CSMD1: variants seen among roughly 807,000 people sequenced by gnomAD.
CSMD1 encodes CUB and Sushi multiple domains 1, also known as CUB and sushi domain-containing protein 1.
In CSMD1, 213 loss-of-function variants were observed where a neutral mutation model predicts 417.5. The ratio of observed to expected loss-of-function variants is 0.51; its 90% CI spans 0.46 to 0.57. The LOEUF (loss-of-function observed/expected upper bound fraction) is 0.57, where lower values mean the gene tolerates loss of function less well. Among genes scored for constraint, CSMD1 ranks in the 20% least tolerant of loss-of-function variants. CSMD1 has a pLI of 0.00. For missense variants in CSMD1, 6,923 were observed against 4,529.7 expected, an observed-to-expected ratio of 1.53 and a Z score of -15.17; for synonymous variants, 2,862 against 1,736.8, an observed-to-expected ratio of 1.65 and a Z score of -16.11.
At chr8:4,324,238 TA>T (rs1799426141) in intron 3 of CSMD1, among the ~76,000 whole-genome samples, 1 of 152,256 alleles carries the variant, frequency 6.6e-6, no homozygotes, top group South Asian at 2.1e-4. Context: ...GAGATTTCCC[TA>T]CACCAAGAAT....
At chr8:4,613,513 C>G (rs1007754935) in intron 2 of CSMD1, among the ~76,000 whole-genome samples, 1 of 152,204 alleles carries the variant, frequency 6.6e-6, no homozygotes, top group Non-Finnish European at 1.5e-5. Context: ...GTGGCAGGCT[C>G]TCATCAGAGA....
In CSMD1 at chr8:4,672,519, T is replaced by G. The variant is rs190903572; in HGVS notation, c.86-34961A>C. Among the ~76,000 whole-genome samples, 619 of 152,328 alleles carry G rather than the reference T, an allele frequency of 4.1e-3. 17 individuals carry two copies. The highest frequency in any genetic ancestry group is 0.037 in the Admixed American group (562 of 15,298). On this transcript the variant is annotated intron_variant, in intron 1 of 69. Transcript: ENST00000635120. ...TGAAAAAAAGCTTTAATAAGGATCT[T>G]TGGTGAAATATGCACCTATAATGTA...
At chr8:3,300,637 T>C (rs1358173173) in intron 25 of CSMD1, among the ~76,000 whole-genome samples, 1 of 152,050 alleles carries the variant, frequency 6.6e-6, no homozygotes, top group African/African-American at 2.4e-5. Flanking sequence ...ACAAGACTAC[T>C]TGTCACATCA....
Position 4,787,304 on chromosome 8 carries a change from G to A in CSMD1, c.86-149746C>T, listed in dbSNP as rs73661130. 388 of 699,750 alleles carry A rather than the reference G, an allele frequency of 5.5e-4. 1 individual carries two copies. The highest frequency in any genetic ancestry group is 5.2e-3 in the African/African-American group (293 of 56,234). 43.3% of individuals were successfully genotyped at this position (699,750 alleles called of 1,614,324 possible). On this transcript the variant is annotated intron_variant, in intron 1 of 69. Transcript: ENST00000635120. ...AGAGCTCTGCCTCACTTACCGGCGC[G>A]GTCGCAGCCCTCAGCCCACTCAGGA...
intron 3 of CSMD1, among the ~76,000 whole-genome samples, chr8:4,294,737 C>G (rs1001814402): frequency 6.6e-6 from 1 of 151,916 alleles, no homozygotes; most frequent in Non-Finnish European, 1.5e-5. Flanking sequence ...TTTTTTCTTA[C>G]TGTAATTAGA....
chr8:3,211,183 C>T (rs555225733), intron 30 of CSMD1, among the ~76,000 whole-genome samples: 1 of 152,142 alleles, frequency 6.6e-6, no homozygotes, highest in Non-Finnish European at 1.5e-5. Context: ...TAGCTGGGAC[C>T]CCAGGTGTGC....
At chr8:4,211,745 T>C (rs1234434507) in intron 3 of CSMD1, among the ~76,000 whole-genome samples, 2 of 152,202 alleles carry the variant, frequency 1.3e-5, no homozygotes, top group African/African-American at 4.8e-5. Flanking sequence ...CAAAGAGCCC[T>C]GCAAATGTCA....
At chr8:4,406,848 A>G (rs1585027355) in intron 3 of CSMD1, among the ~76,000 whole-genome samples, 1 of 152,206 alleles carries the variant, frequency 6.6e-6, no homozygotes, top group East Asian at 1.9e-4. Flanking sequence ...AACTATTAAA[A>G]TGTCCACTGT....
intron 52 of CSMD1, among the ~76,000 whole-genome samples, chr8:3,008,160 G>C (rs529834191): frequency 6.6e-6 from 1 of 152,268 alleles, no homozygotes; most frequent in South Asian, 2.1e-4. Flanking sequence ...AGAGTATGTC[G>C]CAAGCAAAAT....
chr8:3,736,694 TG>T (rs1425781037), intron 6 of CSMD1, among the ~76,000 whole-genome samples: 3 of 152,170 alleles, frequency 2.0e-5, no homozygotes, highest in African/African-American at 7.2e-5. Flanking sequence ...AGAATGGAGC[TG>T]GGGATAAGGA....
intron 10 of CSMD1, among the ~76,000 whole-genome samples, chr8:3,523,934 C>A (rs1164359623): frequency 2.6e-5 from 4 of 151,378 alleles, no homozygotes; most frequent in African/African-American, 9.7e-5. Context: ...TATGCATGCA[C>A]ACTCAGACAC....
At chr8:3,158,657 T>C (rs1819688994) in intron 38 of CSMD1, among the ~76,000 whole-genome samples, 1 of 151,586 alleles carries the variant, frequency 6.6e-6, no homozygotes, top group African/African-American at 2.4e-5. Context: ...AAACAAACAG[T>C]AGAGGGTTAA....
intron 21 of CSMD1, among the ~76,000 whole-genome samples, chr8:3,352,538 C>T (rs1345291213): frequency 1.3e-5 from 2 of 152,100 alleles, no homozygotes; most frequent in Non-Finnish European, 2.9e-5. Context: ...AGTGCATGTT[C>T]TTATTACTAT....
chr8:4,207,601 A>G (rs748789180), intron 3 of CSMD1, among the ~76,000 whole-genome samples: 1 of 152,178 alleles, frequency 6.6e-6, no homozygotes, highest in Non-Finnish European at 1.5e-5. Flanking sequence ...TTAATATTCA[A>G]TTCAGTAAGA....
At chr8:2,972,935 G>C (rs1228319618) in intron 57 of CSMD1, among the ~76,000 whole-genome samples, 182 bp downstream of exon 57, 1 of 152,128 alleles carries the variant, frequency 6.6e-6, no homozygotes, top group Non-Finnish European at 1.5e-5. Context: ...GTGGATACTT[G>C]GAATACCTCC....
chr8:4,750,301 C>G (rs536551111), intron 1 of CSMD1, among the ~76,000 whole-genome samples: 2 of 152,174 alleles, frequency 1.3e-5, no homozygotes, highest in African/African-American at 4.8e-5. Flanking sequence ...CCACCATGCC[C>G]GGCCCTGACT....
chr8:3,599,802 T>C (rs1801275311), intron 8 of CSMD1, among the ~76,000 whole-genome samples: 1 of 152,198 alleles, frequency 6.6e-6, no homozygotes, highest in African/African-American at 2.4e-5. Context: ...ACTTCTTTCC[T>C]CCTGTCTTTC....
intron 5 of CSMD1, among the ~76,000 whole-genome samples, chr8:3,872,638 CTTAAT>C (rs776001947): frequency 2.0e-5 from 3 of 152,104 alleles, no homozygotes; most frequent in Non-Finnish European, 4.4e-5. Flanking sequence ...TTCATTTTCT[CTTAAT>C]TTATTAATGA....
intron 5 of CSMD1, among the ~76,000 whole-genome samples, chr8:3,866,353 T>C (rs1805103602): frequency 6.6e-6 from 1 of 152,246 alleles, no homozygotes; most frequent in African/African-American, 2.4e-5. Context: ...GTCCTTTTAC[T>C]GGAATACAGA....
Sources: gnomAD v4.1 joint callset for allele counts (sites outside exome capture counted in the v4.1 genomes callset) on GRCh38, gnomAD v4.1.1 for gene constraint, MANE v1.5 for transcripts, NCBI Gene and HGNC (gene_info 2026-07-23, HGNC 2026-07-21) for gene names.